Variants in PLPPR5 observed in about 807,000 individuals in gnomAD.
PLPPR5 encodes the protein phospholipid phosphatase related 5, also known as phospholipid phosphatase-related protein type 5.
PLPPR5 carries 16 observed loss-of-function variants against 33.9 expected under a neutral mutation model. That is an observed-to-expected ratio of 0.47 (90% confidence interval 0.32 to 0.72). The LOEUF is 0.72. PLPPR5 is among the 30% of genes least tolerant of loss of function. The pLI is 0.03. For missense variants in PLPPR5, 301 were observed against 406.7 expected (o/e 0.74, Z 2.23); for synonymous variants, 163 against 150.3 (o/e 1.08, Z -0.62).
At chr1:98,965,800 C>CA (rs1372662375) in intron 1 of PLPPR5, among the ~76,000 whole-genome samples, 2 of 152,142 alleles carry the variant, frequency 1.3e-5, no homozygotes, top group Non-Finnish European at 2.9e-5. Context: ...GGTGGTAACT[C>CA]AAAGATATCC....
rs370587528 is a variant in PLPPR5, at chr1:99,001,669, A to AAGATAGAT, written c.237+2765_237+2766insATCTATCT. ...GAACTAGAAATGAGTTTGAAAGTTAAAGATATATATATATATATATATATA... is the reference window on the plus strand; with the variant it reads ...GAACTAGAAATGAGTTTGAAAGTTAAAGATAGATAGATATATATATATATATATATATA... On this transcript the variant is annotated intron_variant, in intron 1 of 5. Coordinates refer to ENST00000263177, the MANE Select transcript of PLPPR5 (RefSeq NM_001037317.2). Among the ~76,000 whole-genome samples the AAGATAGAT allele has an allele frequency of 1.7e-4, 11 of 64,340 alleles. No homozygotes were observed. The East Asian group carries it at 4.1e-3, about 24-fold the overall frequency. 42.2% of individuals were successfully genotyped at this position (64,340 alleles called of 152,430 possible).
chr1:98,973,250 T>A (rs180848737), intron 1 of PLPPR5, among the ~76,000 whole-genome samples: 16 of 152,176 alleles, frequency 1.1e-4, no homozygotes, highest in Non-Finnish European at 2.2e-4. Context: ...GAAGATAAAA[T>A]TTAAAATATA....
intron 3 of PLPPR5, among the ~76,000 whole-genome samples, chr1:98,934,542 C>A: frequency 6.6e-6 from 1 of 152,128 alleles, no homozygotes; most frequent in Non-Finnish European, 1.5e-5. Flanking sequence ...GGATAATGAG[C>A]TTGGGCTAGC....
intron 1 of PLPPR5, among the ~76,000 whole-genome samples, chr1:98,962,403 A>G (rs1026564585): frequency 3.9e-5 from 6 of 152,210 alleles, no homozygotes; most frequent in Non-Finnish European, 1.5e-5. Context: ...CATGTTGCAC[A>G]AGAGATCTTA....
intron 5 of PLPPR5, among the ~76,000 whole-genome samples, chr1:98,895,092 G>A (rs1648420154): frequency 6.6e-6 from 1 of 152,016 alleles, no homozygotes; most frequent in African/African-American, 2.4e-5. Context: ...GGTTTAATGT[G>A]TCCACTAAAA....
intron 1 of PLPPR5, among the ~76,000 whole-genome samples, chr1:98,968,425 G>A (rs1651529229): frequency 6.6e-6 from 1 of 151,810 alleles, no homozygotes; most frequent in African/African-American, 2.4e-5. Context: ...CAACAAAAAA[G>A]CAATATGATA....
chr1:98,988,129 T>G (rs114005940), intron 1 of PLPPR5, among the ~76,000 whole-genome samples: 9 of 152,084 alleles, frequency 5.9e-5, no homozygotes, highest in Non-Finnish European at 1.3e-4. Flanking sequence ...AGACCTAGAA[T>G]GAATCTGTAT....
At chr1:98,936,026 C>G (rs111869388) in intron 3 of PLPPR5, among the ~76,000 whole-genome samples, 1 of 152,140 alleles carries the variant, frequency 6.6e-6, no homozygotes, top group Non-Finnish European at 1.5e-5. Context: ...AGAACAGACA[C>G]GGGGGACGTT....
chr1:98,966,795 G>A (rs114319046), intron 1 of PLPPR5, among the ~76,000 whole-genome samples: 2,486 of 152,226 alleles, frequency 0.016, 41 homozygotes, highest in Non-Finnish European at 0.02. Context: ...CCCACTGGGT[G>A]GGATGAGCTT....
intron 1 of PLPPR5, among the ~76,000 whole-genome samples, chr1:98,969,025 T>C (rs1570742980): frequency 6.6e-6 from 1 of 152,100 alleles, no homozygotes; most frequent in Non-Finnish European, 1.5e-5. Flanking sequence ...CCCAACTACT[T>C]TCCCTGTATG....
At chr1:98,895,362 T>C (rs1178623685) in intron 5 of PLPPR5, among the ~76,000 whole-genome samples, 1 of 151,992 alleles carries the variant, frequency 6.6e-6, no homozygotes, top group Non-Finnish European at 1.5e-5. Context: ...TCCAGAATCC[T>C]GAGCCAATAA....
intron 1 of PLPPR5, among the ~76,000 whole-genome samples, chr1:98,972,222 C>G (rs1651686803): frequency 6.6e-6 from 1 of 152,068 alleles, no homozygotes; most frequent in South Asian, 2.1e-4. Context: ...CATTTCACAG[C>G]TGGCAGATAT....
At chr1:98,931,771 T>G (rs918847078) in intron 3 of PLPPR5, among the ~76,000 whole-genome samples, 1 of 152,062 alleles carries the variant, frequency 6.6e-6, no homozygotes, top group Non-Finnish European at 1.5e-5. Context: ...CAAAAAGCTT[T>G]GTGTGCCAAG....
chr1:98,984,302 T>C (rs536863311), intron 1 of PLPPR5, among the ~76,000 whole-genome samples: 1 of 152,184 alleles, frequency 6.6e-6, no homozygotes, highest in South Asian at 2.1e-4. Context: ...CCTAGGATCT[T>C]ATATTTGTTC....
chr1:98,973,957 A>T (rs1651752135), intron 1 of PLPPR5, among the ~76,000 whole-genome samples: 2 of 151,922 alleles, frequency 1.3e-5, no homozygotes, highest in South Asian at 4.1e-4. Flanking sequence ...GGCAGCGGAG[A>T]CTGGAGAGAG....
At chr1:98,925,715 A>T (rs1215028535) in intron 3 of PLPPR5, among the ~76,000 whole-genome samples, 2 of 152,164 alleles carry the variant, frequency 1.3e-5, no homozygotes, top group Non-Finnish European at 2.9e-5. Flanking sequence ...ACAAATATTT[A>T]TTAAGCACCT....
chr1:98,957,940 C>G (rs1651075469), intron 1 of PLPPR5, among the ~76,000 whole-genome samples: 1 of 152,092 alleles, frequency 6.6e-6, no homozygotes, highest in Admixed American at 6.6e-5. Flanking sequence ...TCAAAATCAC[C>G]TAGTAAGGTA....
intron 1 of PLPPR5, among the ~76,000 whole-genome samples, chr1:98,959,478 T>C (rs867163021): frequency 7.9e-5 from 12 of 152,208 alleles, no homozygotes; most frequent in African/African-American, 2.9e-4. Context: ...TTCCTCAGAA[T>C]TGAAGGGCAG....
intron 3 of PLPPR5, among the ~76,000 whole-genome samples, chr1:98,928,567 AT>A (rs1378338311): frequency 2.1e-5 from 3 of 142,044 alleles, no homozygotes; most frequent in Non-Finnish European, 4.6e-5. Context: ...ATATATATAT[AT>A]ATATGGTTCA....
Sources: allele counts gnomAD v4.1 joint callset (sites outside exome capture counted in the v4.1 genomes callset), GRCh38; gene constraint gnomAD v4.1.1; transcripts MANE v1.5; gene names NCBI Gene and HGNC (gene_info 2026-07-23, HGNC 2026-07-21).